The following RIMS2 variants were observed in gnomAD, a reference collection of about 807,000 sequenced individuals.
RIMS2 encodes regulating synaptic membrane exocytosis 2.
In RIMS2, 59 loss-of-function variants were observed where a neutral mutation model predicts 174.4. The observed-to-expected ratio is 0.34, with a 90% confidence interval of 0.27 to 0.42. The LOEUF is 0.42. RIMS2 is among the 10% of genes least tolerant of loss of function. The pLI, the probability that RIMS2 is intolerant of heterozygous loss-of-function variation, is 1.00. For missense variants in RIMS2, 1,620 were observed against 1,666.3 expected (o/e 0.97, Z 0.48); for synonymous variants, 606 against 572.5 (o/e 1.06, Z -0.84).
At chr8:104,243,675 G>C (rs933117368) in intron 19 of RIMS2, among the ~76,000 whole-genome samples, 1 of 152,050 alleles carries the variant, frequency 6.6e-6, no homozygotes, top group Non-Finnish European at 1.5e-5. Context: ...AACAGTGCAA[G>C]ACTTTGTCTC....
At chr8:104,000,864 G>T (rs2095355452) in intron 17 of RIMS2, among the ~76,000 whole-genome samples, 1 of 151,774 alleles carries the variant, frequency 6.6e-6, no homozygotes, top group South Asian at 2.1e-4. Context: ...CTTCTTTTGA[G>T]AAATGTCTAT....
intron 19 of RIMS2, among the ~76,000 whole-genome samples, chr8:104,164,446 G>A (rs1372545318): frequency 6.6e-6 from 1 of 152,032 alleles, no homozygotes; most frequent in African/African-American, 2.4e-5. Flanking sequence ...TTTTACACAA[G>A]TGAAAATACT....
chr8:104,035,818 T>C (rs2096501363), intron 19 of RIMS2, among the ~76,000 whole-genome samples: 1 of 152,144 alleles, frequency 6.6e-6, no homozygotes, highest in Admixed American at 6.5e-5. Context: ...GCTTGATAAT[T>C]TCTGAATTGT....
chr8:104,007,305 C>G (rs1051241266), intron 17 of RIMS2, among the ~76,000 whole-genome samples: 1 of 152,154 alleles, frequency 6.6e-6, no homozygotes, highest in Non-Finnish European at 1.5e-5. Flanking sequence ...CTAGCTCATT[C>G]TCTGCGCTAC....
chr8:103,732,532 T>C (rs2097615765), intron 2 of RIMS2, among the ~76,000 whole-genome samples: 1 of 152,122 alleles, frequency 6.6e-6, no homozygotes, highest in Non-Finnish European at 1.5e-5. Context: ...TTCCTTTCAG[T>C]GTGGTAAGTT....
At chr8:104,106,607 G>A (rs1276284687) in intron 19 of RIMS2, among the ~76,000 whole-genome samples, 1 of 151,940 alleles carries the variant, frequency 6.6e-6, no homozygotes, top group East Asian at 1.9e-4. Context: ...TATACATTAA[G>A]GAGTAAAATG....
At chr8:104,098,455 C>A (rs2097799599) in intron 19 of RIMS2, among the ~76,000 whole-genome samples, 1 of 152,014 alleles carries the variant, frequency 6.6e-6, no homozygotes, top group African/African-American at 2.4e-5. Context: ...ATAGAAAAAA[C>A]AAATACTGAA....
chr8:103,613,301 G>A (rs573187278), intron 1 of RIMS2, among the ~76,000 whole-genome samples: 1 of 152,186 alleles, frequency 6.6e-6, no homozygotes, highest in East Asian at 1.9e-4. Context: ...ATGGGCAGAG[G>A]AGTCTATCCC....
intron 2 of RIMS2, among the ~76,000 whole-genome samples, chr8:103,705,196 C>T (rs1223740363): frequency 6.6e-6 from 1 of 151,972 alleles, no homozygotes; most frequent in Non-Finnish European, 1.5e-5. Context: ...TTAATTTCTT[C>T]ATTGACTTAT....
chr8:103,782,814 A>AT (rs1377973498), intron 3 of RIMS2, among the ~76,000 whole-genome samples: 1 of 151,664 alleles, frequency 6.6e-6, no homozygotes, highest in Non-Finnish European at 1.5e-5. Context: ...ATCTTCTTCC[A>AT]TTTTTCCATT....
At chr8:104,238,593 G>A (rs2099271213) in intron 19 of RIMS2, among the ~76,000 whole-genome samples, 1 of 152,058 alleles carries the variant, frequency 6.6e-6, no homozygotes, top group African/African-American at 2.4e-5. Context: ...AGATGGAAGA[G>A]AGTAAAAGTA....
chr8:104,105,289 T>C lies in RIMS2; in HGVS notation c.3334+90674T>C, dbSNP rs545272431. ...TCTAAATAAAAGTGGAAGGTAAATA[T>C]TCAAGAAAAAGTATCAACTAGCCAG... On this transcript the variant is annotated intron_variant, in intron 19 of 23. Transcript: ENST00000504942. Among the ~76,000 whole-genome samples, 58 of 152,238 alleles carry C rather than the reference T, an allele frequency of 3.8e-4. No homozygotes were observed. The South Asian group carries it at 0.012, about 32-fold the overall frequency.
At chr8:103,645,726 A>G (rs2135664028) in intron 1 of RIMS2, among the ~76,000 whole-genome samples, 1 of 152,248 alleles carries the variant, frequency 6.6e-6, no homozygotes, top group African/African-American at 2.4e-5. Flanking sequence ...TTTGATACTC[A>G]GTGATCTATA....
chr8:103,514,823 G>A (rs1309382084), intron 1 of RIMS2, among the ~76,000 whole-genome samples: 3 of 151,760 alleles, frequency 2.0e-5, no homozygotes, highest in Non-Finnish European at 4.4e-5. Flanking sequence ...GCTTGAACCC[G>A]GGAGGTGGAG....
At chr8:103,624,993 A>G (rs2095745023) in intron 1 of RIMS2, among the ~76,000 whole-genome samples, 1 of 152,142 alleles carries the variant, frequency 6.6e-6, no homozygotes, top group South Asian at 2.1e-4. Flanking sequence ...CAGCATTTTT[A>G]CTTTTTAAAT....
intron 1 of RIMS2, among the ~76,000 whole-genome samples, chr8:103,613,611 A>T (rs1313590679): frequency 6.6e-6 from 1 of 152,164 alleles, no homozygotes; most frequent in African/African-American, 2.4e-5. Context: ...CTCTAATTTT[A>T]TCAAACAGAA....
intron 14 of RIMS2, among the ~76,000 whole-genome samples, chr8:103,950,316 G>T (rs889422181): frequency 6.6e-6 from 1 of 151,950 alleles, no homozygotes; most frequent in African/African-American, 2.4e-5. Flanking sequence ...CATATTAAAA[G>T]AAATCTGCAG....
chr8:103,966,036 G>A (rs1239774831), intron 15 of RIMS2, among the ~76,000 whole-genome samples: 1 of 152,022 alleles, frequency 6.6e-6, no homozygotes, highest in East Asian at 1.9e-4. Context: ...GTTGGATTCA[G>A]TGTGCTAACA....
intron 1 of RIMS2, among the ~76,000 whole-genome samples, chr8:103,673,740 T>C (rs1046374660): frequency 6.6e-6 from 1 of 152,228 alleles, no homozygotes; most frequent in Non-Finnish European, 1.5e-5. Flanking sequence ...GTCTTGAATA[T>C]TAGCAGTTGG....
Sources: gnomAD v4.1 joint callset for allele counts (sites outside exome capture counted in the v4.1 genomes callset) on GRCh38, gnomAD v4.1.1 for gene constraint, MANE v1.5 for transcripts, NCBI Gene and HGNC (gene_info 2026-07-23, HGNC 2026-07-21) for gene names.